LTBP1: variants seen among roughly 807,000 people sequenced by gnomAD.
LTBP1 encodes latent transforming growth factor beta binding protein 1, also known as latent-transforming growth factor beta-binding protein 1.
A neutral mutation model predicts 207.6 loss-of-function variants in LTBP1; 129 were observed. The ratio of observed to expected loss-of-function variants is 0.62; its 90% CI spans 0.54 to 0.72. The LOEUF is 0.72. LTBP1 is among the 30% of genes least tolerant of loss of function. LTBP1 has a pLI of 0.00. For missense variants in LTBP1, 2,281 were observed against 2,217.2 expected, an observed-to-expected ratio of 1.03 and a Z score of -0.58; for synonymous variants, 963 against 833.7, an observed-to-expected ratio of 1.16 and a Z score of -2.67.
intron 5 of LTBP1, among the ~76,000 whole-genome samples, chr2:33,175,358 C>G (rs1439849456): frequency 1.4e-4 from 22 of 152,010 alleles, no homozygotes; most frequent in Non-Finnish European, 1.5e-5. Context: ...TGAACAGACA[C>G]TTCTCAAAAG....
chr2:33,326,596 CT>C (rs1187514199), intron 24 of LTBP1, among the ~76,000 whole-genome samples: 1 of 149,388 alleles, frequency 6.7e-6, no homozygotes, highest in Admixed American at 6.6e-5. Context: ...ATTTACCCTG[CT>C]TTTTTGTCTT....
At chr2:33,359,400 C>T (rs1397725180) in intron 26 of LTBP1, among the ~76,000 whole-genome samples, 2 of 152,030 alleles carry the variant, frequency 1.3e-5, no homozygotes, top group African/African-American at 4.8e-5. Context: ...CTAGGCCCTG[C>T]AAAAATAAAC....
intron 5 of LTBP1, among the ~76,000 whole-genome samples, chr2:33,178,095 A>T (rs1296264613): frequency 6.6e-6 from 1 of 152,194 alleles, no homozygotes; most frequent in East Asian, 1.9e-4. Flanking sequence ...AGATGGAGAC[A>T]CTGTAGTCTA....
intron 3 of LTBP1, among the ~76,000 whole-genome samples, chr2:33,064,028 A>G (rs1350391607): frequency 6.6e-6 from 1 of 151,864 alleles, no homozygotes; most frequent in African/African-American, 2.4e-5. Flanking sequence ...TAATTTTTGT[A>G]ATTTTAGTTG....
chr2:33,183,223 C>T (rs1364872307), intron 5 of LTBP1, among the ~76,000 whole-genome samples: 1 of 152,160 alleles, frequency 6.6e-6, no homozygotes, highest in Non-Finnish European at 1.5e-5. Context: ...AATTTCACTT[C>T]CAGTGTTGTC....
intron 7 of LTBP1, among the ~76,000 whole-genome samples, chr2:33,215,894 T>C (rs1170711614): frequency 2.6e-5 from 4 of 151,984 alleles, no homozygotes; most frequent in African/African-American, 9.7e-5. Context: ...TTTTGTATTT[T>C]AGTAGAGACA....
chr2:33,232,649 TCAG>T (rs2091853010), intron 9 of LTBP1, among the ~76,000 whole-genome samples: 1 of 152,198 alleles, frequency 6.6e-6, no homozygotes, highest in Admixed American at 6.5e-5. Context: ...AATTTGAATT[TCAG>T]ATAAACAACA....
chr2:32,967,968 G>A (rs1235576696), intron 2 of LTBP1, among the ~76,000 whole-genome samples: 1 of 133,242 alleles, frequency 7.5e-6, no homozygotes, highest in Admixed American at 8.1e-5. Context: ...ATTATTCCTT[G>A]CATTTCTATC....
intron 3 of LTBP1, among the ~76,000 whole-genome samples, chr2:33,021,434 C>T (rs2075162278): frequency 6.6e-6 from 1 of 152,146 alleles, no homozygotes; most frequent in South Asian, 2.1e-4. Flanking sequence ...ATAAGTACAA[C>T]CCATGGCAAC....
chr2:33,140,249 T>G (rs1372624160), intron 5 of LTBP1, among the ~76,000 whole-genome samples: 3 of 152,194 alleles, frequency 2.0e-5, no homozygotes, highest in African/African-American at 7.2e-5. Context: ...TTTTCTCTCG[T>G]TAAGGCATTA....
At chr2:33,287,398 C>G (rs1573630011) in intron 19 of LTBP1, among the ~76,000 whole-genome samples, 1 of 152,116 alleles carries the variant, frequency 6.6e-6, no homozygotes, top group African/African-American at 2.4e-5. Flanking sequence ...CCTTCGTGTA[C>G]ACGTAAGAAA....
intron 3 of LTBP1, among the ~76,000 whole-genome samples, chr2:33,021,749 A>T (rs996792092): frequency 6.6e-6 from 1 of 151,858 alleles, no homozygotes; most frequent in South Asian, 2.1e-4. Context: ...GTGTGGGTCC[A>T]TTTTTGGTGA....
chr2:33,081,635 T>A, intron 3 of LTBP1, among the ~76,000 whole-genome samples: 1 of 152,064 alleles, frequency 6.6e-6, no homozygotes, highest in Non-Finnish European at 1.5e-5. Flanking sequence ...GAAAAGGTAG[T>A]GCTGTGGTTT....
At position 33,318,598 on chromosome 2, in the gene LTBP1, C is replaced by T. The variant is rs114810164; in HGVS notation, c.3730+3329C>T. On this transcript the variant is annotated intron_variant, in intron 24 of 33. Coordinates refer to ENST00000404816, the MANE Select transcript of LTBP1 (RefSeq NM_206943.4). ...ATACACAGGATATTTTTTTCAAATCCCAGACTTAGATGTCAGGAAATTGCA... is the reference window on the plus strand; with the variant it reads ...ATACACAGGATATTTTTTTCAAATCTCAGACTTAGATGTCAGGAAATTGCA... Among the ~76,000 whole-genome samples, 531 of 151,982 alleles carry T rather than the reference C, an allele frequency of 3.5e-3. 2 individuals carry two copies. The highest frequency in any genetic ancestry group is 0.012 in the African/African-American group (511 of 41,444).
rs954589300 is a variant in LTBP1, at chr2:33,295,406, A to C, written c.3235+2124A>C. Among the ~76,000 whole-genome samples the C allele has an allele frequency of 6.6e-5, 10 of 152,210 alleles. No individual in the cohort carries two copies. The East Asian group carries it at 1.7e-3, about 26-fold the overall frequency. On this transcript the variant is annotated intron_variant, in intron 20 of 33. Transcript: ENST00000404816. ...GCCGGGCTTGGTGGCATGCGCATGT[A>C]ATCCCAGCTACTTAGGAGGCTGAGA...
chr2:33,303,230 C>T (rs1053342658), intron 22 of LTBP1, among the ~76,000 whole-genome samples: 1 of 152,046 alleles, frequency 6.6e-6, no homozygotes, highest in Non-Finnish European at 1.5e-5. Context: ...GCAGTGGTCC[C>T]CAACTTTTTT....
At chr2:33,144,318 G>C (rs1487887761) in intron 5 of LTBP1, among the ~76,000 whole-genome samples, 3 of 152,114 alleles carry the variant, frequency 2.0e-5, no homozygotes, top group African/African-American at 7.2e-5. Flanking sequence ...GCTGTGGGTA[G>C]GTTAGACCTT....
At chr2:33,223,443 A>G (rs74552675) in intron 9 of LTBP1, among the ~76,000 whole-genome samples, 2 of 152,210 alleles carry the variant, frequency 1.3e-5, no homozygotes, top group South Asian at 4.1e-4. Flanking sequence ...GAGGACACCC[A>G]TGACACATTT....
intron 7 of LTBP1, among the ~76,000 whole-genome samples, chr2:33,204,001 G>A (rs907709469): frequency 1.1e-4 from 16 of 152,174 alleles, no homozygotes; most frequent in Admixed American, 9.2e-4. Flanking sequence ...GTCTGATGTG[G>A]CTCTGTGCTA....
Sources: allele counts gnomAD v4.1 joint callset (sites outside exome capture counted in the v4.1 genomes callset), GRCh38; gene constraint gnomAD v4.1.1; transcripts MANE v1.5; gene names NCBI Gene and HGNC (gene_info 2026-07-23, HGNC 2026-07-21).